Variants in CAND1 observed in about 807,000 individuals in gnomAD.
CAND1 encodes the protein cullin-associated NEDD8-dissociated protein 1.
In CAND1, 7 loss-of-function variants were observed where a neutral mutation model predicts 108.5. The ratio of observed to expected loss-of-function variants is 0.06; its 90% CI spans 0.04 to 0.12. CAND1 has a LOEUF of 0.12. Among genes scored for constraint, CAND1 ranks in the 10% least tolerant of loss-of-function variants. CAND1 has a pLI of 1.00. For missense variants in CAND1, 941 were observed against 1,448.7 expected (o/e 0.65, Z 5.69); for synonymous variants, 534 against 512.0 (o/e 1.04, Z -0.58).
intron 2 of CAND1, among the ~76,000 whole-genome samples, chr12:67,287,856 GA>G (rs1342374433): frequency 3.6e-5 from 3 of 82,618 alleles, no homozygotes; most frequent in Non-Finnish European, 7.1e-5. Flanking sequence ...TTTTTGATGT[GA>G]TTTTTTTTTT....
At position 67,307,406 on chromosome 12, in the gene CAND1, A is replaced by G. The variant is rs764852783; in HGVS notation, c.2939A>G (p.Tyr980Cys). ...LKGYLISGSSYARSSVVTAVK... is the reference protein window; with the variant it reads ...LKGYLISGSSCARSSVVTAVK... ...ATTTATTTTTAACTAGGCTCATCATATGCCCGAAGCTCAGTGGTTACGGCT... is the reference window on the plus strand; with the variant it reads ...ATTTATTTTTAACTAGGCTCATCATGTGCCCGAAGCTCAGTGGTTACGGCT... Residue 980 changes from tyrosine (Y) to cysteine (C), a missense_variant, in exon 11 of 15, where the codon TAT becomes TGT. Around this residue, in one of 9 missense-constraint regions of CAND1, gnomAD observed 106 missense variants for 182.0 expected, o/e 0.58. Coordinates refer to ENST00000545606, the MANE Select transcript of CAND1 (RefSeq NM_018448.5). 27 of 1,610,652 alleles carry G rather than the reference A, an allele frequency of 1.7e-5. No homozygotes were observed. Among genetic ancestry groups the G allele is most frequent in the Admixed American group, 1.5e-4 (9 of 59,800 alleles).
intron 10 of CAND1, 45 bp from the exon 11 acceptor site, chr12:67,307,352 T>C: frequency 1.5e-6 from 2 of 1,365,044 alleles, no homozygotes. Flanking sequence ...TCCGTGAGTT[T>C]TAGTGGACTA....
rs1318288683 is a variant in CAND1 at position 67,317,166 on chromosome 12, C to T, written c.*4336C>T. 6.6e-6 allele frequency: 1 copy of T among 152,216 alleles called. No individual in the cohort carries two copies. Among genetic ancestry groups the T allele is most frequent in the African/African-American group, 2.4e-5 (1 of 41,454 alleles). 9.4% of individuals were successfully genotyped at this position (152,216 alleles called of 1,614,324 possible). A position where few individuals can be genotyped will look rare whatever the true frequency, so the allele number is the denominator to read the frequency against. ...TTTGTTTTTGTGTTTAAGACAAGGT[C>T]TCACTCTGTTGCCTGGACTGGAGTA... On this transcript the variant is annotated 3_prime_UTR_variant, in exon 15 of 15. Transcript: ENST00000545606.
chr12:67,291,301 G>T (rs558920702), intron 2 of CAND1, among the ~76,000 whole-genome samples: 2 of 152,322 alleles, frequency 1.3e-5, no homozygotes, highest in African/African-American at 2.4e-5. Flanking sequence ...TTTACAACCA[G>T]TTACTTTATG....
Position 67,302,399 on chromosome 12 carries a change from T to A in CAND1, c.1077T>A (p.Ala359=). The A allele has an allele frequency of 6.2e-7, 1 of 1,614,136 alleles. No homozygotes were observed. Among genetic ancestry groups the A allele is most frequent in the Non-Finnish European group, 8.5e-7 (1 of 1,179,938 alleles). Residue 359 remains alanine, a synonymous_variant, in exon 8 of 15, where the codon GCT becomes GCA. Coordinates refer to ENST00000545606, the MANE Select transcript of CAND1 (RefSeq NM_018448.5). ...VRRAAAKCLD[A]VVSTRHEMLP... is the part of the protein sequence containing the mutation. ...GTGCAGCTGCGAAGTGCTTGGATGC[T>A]GTAGTTAGCACAAGGCATGAAATGC...
intron 1 of CAND1, 56 bp downstream of exon 1, chr12:67,269,841 G>T: frequency 6.7e-7 from 1 of 1,495,174 alleles, no homozygotes; most frequent in Non-Finnish European, 9.2e-7. Context: ...CCGCGGCCCT[G>T]GCCGTCACGC....
intron 4 of CAND1, among the ~76,000 whole-genome samples, chr12:67,296,148 A>G (rs17781657): frequency 4.6e-5 from 2 of 43,464 alleles, no homozygotes; most frequent in Non-Finnish European, 1.8e-4. Flanking sequence ...TGAGGAATTT[A>G]TGTTTAATTT....
chr12:67,293,789 A>G (rs1295034122), intron 3 of CAND1, among the ~76,000 whole-genome samples: 1 of 152,142 alleles, frequency 6.6e-6, no homozygotes, highest in Non-Finnish European at 1.5e-5. Context: ...TAAATAATGT[A>G]GTCTGGGTAT....
intron 1 of CAND1, chr12:67,270,367 G>C (rs1015493035): frequency 1.3e-5 from 2 of 152,632 alleles, no homozygotes; most frequent in African/African-American, 2.4e-5. Context: ...TGGGAAGAAG[G>C]GGGAGGGGAG....
chr12:67,274,610 G>A (rs540789687), intron 1 of CAND1, among the ~76,000 whole-genome samples: 3 of 152,224 alleles, frequency 2.0e-5, no homozygotes, highest in Non-Finnish European at 4.4e-5. Context: ...CCATTATATA[G>A]GGATTTTAGG....
chr12:67,291,992 G>T (rs1033008289), intron 2 of CAND1, among the ~76,000 whole-genome samples: 1 of 152,148 alleles, frequency 6.6e-6, no homozygotes, highest in East Asian at 1.9e-4. Context: ...TTCCCAAGTA[G>T]TTGGGACTAC....
Position 67,287,325 on chromosome 12 carries a change from G to A in CAND1, c.212+5272G>A, listed in dbSNP as rs368552153. ...TCTCAAGAGTAGTTTAGTTTTTTAG[G>A]TCCTTTATATTTCCATGTAAGTTTT... On this transcript the variant is annotated intron_variant, in intron 2 of 14. Transcript: ENST00000545606. Among the ~76,000 whole-genome samples, 64 of 152,164 alleles carry A rather than the reference G, an allele frequency of 4.2e-4. No individual in the cohort carries two copies. The South Asian group carries it at 0.013, about 30-fold the overall frequency.
Position 67,305,986 on chromosome 12 carries a change from T to A in CAND1, c.2318T>A (p.Met773Lys). The A allele has an allele frequency of 6.2e-7, 1 of 1,614,174 alleles. No homozygotes were observed. The highest frequency in any genetic ancestry group is 8.5e-7 in the Non-Finnish European group (1 of 1,179,996). The change falls in exon 10 of 15, where the codon ATG (methionine) becomes AAG (lysine). Residue 773 changes from methionine to lysine, a missense_variant. By Grantham distance (95) the Met-to-Lys change is moderately conservative. This residue lies in a region of CAND1 where 697 missense variants were observed against 942.0 expected (regional missense o/e 0.74). Coordinates refer to ENST00000545606, the MANE Select transcript of CAND1 (RefSeq NM_018448.5). The surrounding 1 kb of genome is among the most constrained non-coding windows in gnomAD (Gnocchi z 4.4). Reference sequence around the variant, plus strand: ...ACTGGAACAAATAATTTAGGATACATGGATTTGTTGCGCATGCTGACTGGT... The same window carrying A: ...ACTGGAACAAATAATTTAGGATACAAGGATTTGTTGCGCATGCTGACTGGT... ...VVTGTNNLGY[M>K]DLLRMLTGPV...
intron 1 of CAND1, among the ~76,000 whole-genome samples, chr12:67,278,165 GTCACT>G (rs1417418183): frequency 1.3e-5 from 2 of 152,092 alleles, no homozygotes; most frequent in African/African-American, 4.8e-5. Context: ...GAGACAGAGT[GTCACT>G]CTTTTGCTCA....
intron 8 of CAND1, 53 bp from the exon 9 acceptor site, chr12:67,304,552 T>C: frequency 6.4e-7 from 1 of 1,570,458 alleles, no homozygotes; most frequent in South Asian, 1.1e-5. Context: ...ATGTTAAGTG[T>C]ACTGAGGAAA....
At chr12:67,304,081 C>T (rs768880909) in intron 8 of CAND1, among the ~76,000 whole-genome samples, 3 of 151,478 alleles carry the variant, frequency 2.0e-5, no homozygotes, top group Non-Finnish European at 2.9e-5. Flanking sequence ...CCTCCGCCTC[C>T]TGGGTTCAAG....
At chr12:67,273,569 C>T (rs1396314148) in intron 1 of CAND1, among the ~76,000 whole-genome samples, 1 of 151,544 alleles carries the variant, frequency 6.6e-6, no homozygotes, top group African/African-American at 2.4e-5. Flanking sequence ...CAGCTTCAAC[C>T]TCCTGGGCTC....
chr12:67,270,236 C>T (rs894394012), intron 1 of CAND1: 1 of 160,608 alleles, frequency 6.2e-6, no homozygotes, highest in East Asian at 1.8e-4. Context: ...ACTCGGGGAC[C>T]CGGCAGCCTC....
Position 67,297,845 on chromosome 12 carries a change from T to G in CAND1, c.846T>G (p.Phe282Leu). The stretch of plus-strand genomic sequence containing the variant: ...ACTGTATTCAAGCCTTTGAATCATT[T>G]GTAAGAAGGTAAGTTTTTAAGATCT... ...REYCIQAFES[F>L]VRRCPKEVYP... Residue 282 changes from phenylalanine (F) to leucine (L), a missense_variant, in exon 6 of 15, where the codon TTT becomes TTG. This residue lies in a region of CAND1 where 697 missense variants were observed against 942.0 expected (regional missense o/e 0.74). Transcript: ENST00000545606. 1 of 1,568,912 alleles carries G rather than the reference T, an allele frequency of 6.4e-7. No individual in the cohort carries two copies. The highest frequency in any genetic ancestry group is 8.7e-7 in the Non-Finnish European group (1 of 1,151,950).
Sources: allele counts gnomAD v4.1 joint callset (sites outside exome capture counted in the v4.1 genomes callset), GRCh38; gene constraint gnomAD v4.1.1; regional missense constraint gnomAD v4.1.1; non-coding constraint Gnocchi (gnomAD v3.1); transcripts MANE v1.5; gene names NCBI Gene and HGNC (gene_info 2026-07-23, HGNC 2026-07-21).